The following F11 variants were observed in gnomAD, a reference collection of about 807,000 sequenced individuals.
The protein encoded by F11 is coagulation factor XI, also known as coagualtion factor XI.
Under a neutral mutation model 76.5 loss-of-function variants are expected in F11, and 78 were observed. That is an observed-to-expected ratio of 1.02 (90% CI 0.85 to 1.23). The LOEUF (loss-of-function observed/expected upper bound fraction) is 1.23, where lower values mean the gene tolerates loss of function less well. Ranked by LOEUF, F11 falls within the 50% of genes most tolerant of loss-of-function variation. The pLI is 0.00. For synonymous variants in F11, 278 were observed against 276.3 expected, an observed-to-expected ratio of 1.01 and a Z score of -0.06; for missense variants, 742 against 771.4, an observed-to-expected ratio of 0.96 and a Z score of 0.45.
intron 7 of F11, among the ~76,000 whole-genome samples, chr4:186,277,839 C>T (rs1371730861): frequency 6.6e-6 from 1 of 152,176 alleles, no homozygotes; most frequent in African/African-American, 2.4e-5. Context: ...TGCTCTGTCA[C>T]TCAGATTTGG....
Position 186,285,675 on chromosome 4 carries a change from A to T in F11, c.1342A>T (p.Ile448Phe). 1 of 1,614,154 alleles carries T rather than the reference A, an allele frequency of 6.2e-7. No homozygotes were observed. The highest frequency in any genetic ancestry group is 8.5e-7 in the Non-Finnish European group (1 of 1,180,032). Reference protein sequence around the residue: ...SPKILRVYSGILNQSEIKEDT... With the variant: ...SPKILRVYSGFLNQSEIKEDT... ...TAAGATTTTGCGTGTCTACAGTGGCATTTTAAATCAATCTGAAATAAAAGA... is the reference window on the plus strand; with the variant it reads ...TAAGATTTTGCGTGTCTACAGTGGCTTTTTAAATCAATCTGAAATAAAAGA... Residue 448 changes from isoleucine (I) to phenylalanine (F), a missense_variant, in exon 12 of 15, where the codon ATT becomes TTT. By Grantham distance (21) the Ile-to-Phe change is conservative. Coordinates refer to ENST00000403665, the MANE Select transcript of F11 (RefSeq NM_000128.4).
At chr4:186,287,898 T>C (rs1741329962) in intron 14 of F11, 75 bp downstream of exon 14, 1 of 1,546,224 alleles carries the variant, frequency 6.5e-7, no homozygotes, top group Non-Finnish European at 8.9e-7. Context: ...TTTGTTTGTT[T>C]TGTTTTTTTT....
At chr4:186,282,587 A>C (rs947187744) in intron 10 of F11, 32 of 985,312 alleles carry the variant, frequency 3.2e-5, no homozygotes, top group Admixed American at 6.1e-5. Context: ...GAAACAGCAT[A>C]GGATGAACCT....
At chr4:186,282,273 C>A (rs1225935205) in intron 10 of F11, 2 of 985,006 alleles carry the variant, frequency 2.0e-6, no homozygotes, top group African/African-American at 3.5e-5. Flanking sequence ...ACAGAATATG[C>A]CAGGTATAGA....
rs376961859 is a variant in F11, at chr4:186,274,268, G to A, written c.478G>A (p.Glu160Lys). 2 of 1,614,190 alleles carry A rather than the reference G, an allele frequency of 1.2e-6. No individual in the cohort carries two copies. The highest frequency in any genetic ancestry group is 1.7e-5 in the Admixed American group (1 of 60,024). The change falls in exon 5 of 15, where the codon GAG becomes AAG. Residue 160 changes from glutamate to lysine, a missense_variant. Physicochemically the swap from Glu to Lys is moderately conservative, Grantham distance 56. Transcript: ENST00000403665. Reference sequence around the variant, plus strand: ...CGCCACAAGGCAGTTTCCCAGCCTGGAGCATCGGTGAGTGAGTCCCAGGAC... The same window carrying A: ...CGCCACAAGGCAGTTTCCCAGCCTGAAGCATCGGTGAGTGAGTCCCAGGAC... ...TYATRQFPSL[E>K]HRNICLLKHT...
intron 11 of F11, among the ~76,000 whole-genome samples, chr4:186,284,620 A>C (rs191291415): frequency 7.5e-4 from 110 of 145,924 alleles, no homozygotes; most frequent in African/African-American, 2.7e-3. Flanking sequence ...TCAAATTTCT[A>C]ATATGTGTGT....
At position 186,285,796 on chromosome 4, in the gene F11, C is replaced by T; in HGVS notation, c.1463C>T (p.Thr488Ile). 1 of 1,614,150 alleles carries T rather than the reference C, an allele frequency of 6.2e-7. No individual in the cohort carries two copies. Among genetic ancestry groups the T allele is most frequent in the African/African-American group, 1.3e-5 (1 of 75,034 alleles). The part of the protein sequence containing the change: ...GYDIALLKLE[T>I]TVNYTDSQRP... Reference sequence around the variant, plus strand: ...GATATTGCCTTGTTGAAACTGGAAACCACAGTGAATTACACAGGTACGGAG... The same window carrying T: ...GATATTGCCTTGTTGAAACTGGAAATCACAGTGAATTACACAGGTACGGAG... Residue 488 changes from threonine to isoleucine, a missense_variant, in exon 12 of 15, where the codon ACC becomes ATC. Coordinates refer to ENST00000403665, the MANE Select transcript of F11 (RefSeq NM_000128.4).
chr4:186,287,259 C>T (rs1326315569), intron 13 of F11, among the ~76,000 whole-genome samples: 2 of 151,834 alleles, frequency 1.3e-5, no homozygotes, highest in East Asian at 3.9e-4. Flanking sequence ...CAGGCGTGAG[C>T]CCCCACACCC....
rs1477849584 is a variant in F11, at chr4:186,271,739, G to C, written c.186G>C (p.Thr62=). 1.9e-6 allele frequency: 3 copies of C among 1,613,960 alleles called. No homozygotes were observed. In the East Asian group the frequency reaches 6.7e-5, roughly 36 times the overall value. The change falls in exon 3 of 15, where the codon ACG becomes ACC. Residue 62 remains threonine, a synonymous_variant. Transcript: ENST00000403665. The part of the protein sequence containing the change: ...YHPRCLLFTF[T]AESPSEDPTR... ...CAAGATGTTTACTCTTCACTTTCAC[G>C]GCGGAATCACCATCTGAGGATCCCA...
chr4:186,283,252 C>CATGT (rs1554083317), intron 10 of F11, among the ~76,000 whole-genome samples: 1 of 151,350 alleles, frequency 6.6e-6, no homozygotes, highest in Non-Finnish European at 1.5e-5. Context: ...TTTGTGTGCA[C>CATGT]GTGTGTGTGT....
intron 13 of F11, among the ~76,000 whole-genome samples, chr4:186,287,165 G>A (rs111736461): frequency 0.069 from 10,460 of 151,680 alleles, 462 homozygotes; most frequent in African/African-American, 0.12. Context: ...TAGTAGAGAC[G>A]GGGTTTCATC....
Position 186,267,162 on chromosome 4 carries a change from A to G in F11, c.26A>G (p.His9Arg), listed in dbSNP as rs774676239. The G allele has an allele frequency of 2.5e-6, 4 of 1,582,250 alleles. No individual in the cohort carries two copies. The Admixed American group carries it at 6.7e-5, about 26-fold the overall frequency. Reference protein sequence around the residue: MIFLYQVVHFILFTSVSGE... With the variant: MIFLYQVVRFILFTSVSGE... Reference sequence around the variant, plus strand: ...ATGATTTTCTTATATCAAGTGGTACATTTCATTTTATTTACTTCAGTTTCT... The same window carrying G: ...ATGATTTTCTTATATCAAGTGGTACGTTTCATTTTATTTACTTCAGTTTCT... Residue 9 changes from histidine to arginine, a missense_variant, in exon 2 of 15, where the codon CAT (histidine) becomes CGT (arginine). Coordinates refer to ENST00000403665, the MANE Select transcript of F11 (RefSeq NM_000128.4).
In F11 at chr4:186,289,387, C is replaced by G. The variant is rs781700053; in HGVS notation, c.*773C>G. ...AGATAGGGAGCATGCTCAAACCTCCCTAAGACAAGCTGCTGCTGTGACTAT... is the reference window on the plus strand; with the variant it reads ...AGATAGGGAGCATGCTCAAACCTCCGTAAGACAAGCTGCTGCTGTGACTAT... On this transcript the variant is annotated 3_prime_UTR_variant, in exon 15 of 15. Coordinates refer to ENST00000403665, the MANE Select transcript of F11 (RefSeq NM_000128.4). Among the ~76,000 whole-genome samples the G allele has an allele frequency of 2.6e-5, 4 of 152,094 alleles. No individual in the cohort carries two copies. Among genetic ancestry groups the G allele is most frequent in the African/African-American group, 9.7e-5 (4 of 41,404 alleles).
chr4:186,289,438 A>T lies in F11; in HGVS notation c.*824A>T, dbSNP rs1019434222. ...GGGCTCCCAAAGAGCTAGATCGTATATTTATTTGACAAAAATCACCATAGA... is the reference window on the plus strand; with the variant it reads ...GGGCTCCCAAAGAGCTAGATCGTATTTTTATTTGACAAAAATCACCATAGA... On this transcript the variant is annotated 3_prime_UTR_variant, in exon 15 of 15. Coordinates refer to ENST00000403665, the MANE Select transcript of F11 (RefSeq NM_000128.4). 6.6e-6 allele frequency among the ~76,000 whole-genome samples: 1 copy of T among 152,226 alleles called. No individual in the cohort carries two copies. Among genetic ancestry groups the T allele is most frequent in the Non-Finnish European group, 1.5e-5 (1 of 68,042 alleles).
intron 2 of F11, among the ~76,000 whole-genome samples, chr4:186,269,257 A>G (rs1359717401): frequency 6.6e-6 from 1 of 152,238 alleles, no homozygotes; most frequent in Non-Finnish European, 1.5e-5. Flanking sequence ...CATACCGAAA[A>G]AAAAGAAGGG....
intron 12 of F11, chr4:186,286,100 C>A: frequency 1.9e-6 from 1 of 529,042 alleles, no homozygotes; most frequent in Non-Finnish European, 3.4e-6. Context: ...ATAATTTAGT[C>A]TAAAGATAAT....
intron 1 of F11, 56 bp from the exon 2 acceptor site, chr4:186,267,080 C>T: frequency 8.7e-7 from 1 of 1,153,618 alleles, no homozygotes; most frequent in Non-Finnish European, 1.3e-6. Flanking sequence ...TGTCAGTAAA[C>T]TAATTATAAA....
At chr4:186,276,442 C>CA in intron 7 of F11, 52 bp downstream of exon 7, 1 of 1,587,204 alleles carries the variant, frequency 6.3e-7, no homozygotes, top group Non-Finnish European at 8.6e-7. Flanking sequence ...AATAGCTGAT[C>CA]AAAATCCATC....
intron 10 of F11, chr4:186,282,096 G>A: frequency 1.7e-6 from 2 of 1,177,238 alleles, no homozygotes; most frequent in Non-Finnish European, 2.2e-6. Context: ...CTACTTCTAA[G>A]CGTTAGAAGG....
Sources: allele counts gnomAD v4.1 joint callset (sites outside exome capture counted in the v4.1 genomes callset), GRCh38; gene constraint gnomAD v4.1.1; transcripts MANE v1.5; gene names NCBI Gene and HGNC (gene_info 2026-07-23, HGNC 2026-07-21).